Variants in IQSEC2 observed in about 807,000 individuals in gnomAD.
IQSEC2 encodes the protein IQ motif and SEC7 domain-containing protein 2.
IQSEC2 carries 6 observed loss-of-function variants against 74.6 expected under a neutral mutation model. The observed-to-expected ratio is 0.08, with a 90% CI of 0.04 to 0.16. The LOEUF (loss-of-function observed/expected upper bound fraction) is 0.16. Ranked by LOEUF, IQSEC2 falls within the 10% of genes least tolerant of loss-of-function variation. The pLI is 1.00. For synonymous variants in IQSEC2, 494 were observed against 544.5 expected (o/e 0.91, Z 1.29); for missense variants, 734 against 1,306.2 (o/e 0.56, Z 6.75).
At chrX:53,280,878 C>T (rs2074947797) in intron 2 of IQSEC2, among the ~76,000 whole-genome samples, 1 of 112,029 alleles carries the variant, frequency 8.9e-6, no homozygotes, top group Admixed American at 9.4e-5. Flanking sequence ...GTCAGCCAGC[C>T]CCTGTCCCCC....
At chrX:53,266,635 C>T in intron 2 of IQSEC2, 1 of 834,156 alleles carries the variant, frequency 1.2e-6, no homozygotes, top group South Asian at 4.4e-5. Flanking sequence ...CCAGTAGTGG[C>T]AGGCTCCAGG....
rs1226107589 is a variant in IQSEC2 at position 53,284,764 on chromosome X, TG to T, written c.737+7130del. 9.0e-5 allele frequency among the ~76,000 whole-genome samples: 10 copies of T among 111,647 alleles called. No individual in the cohort carries two copies. In the Admixed American group the frequency reaches 9.5e-4, roughly 11 times the overall value. On this transcript the variant is annotated intron_variant, in intron 2 of 14. Coordinates refer to ENST00000642864, the MANE Select transcript of IQSEC2 (RefSeq NM_001111125.3). ...GCACCGGGCACCTGGTCACACATGG[TG>T]GGGGGACAATGGACAGAGGTGGAGG...
intron 2 of IQSEC2, among the ~76,000 whole-genome samples, chrX:53,286,690 C>T (rs1347561994): frequency 9.0e-6 from 1 of 110,999 alleles, no homozygotes; most frequent in Admixed American, 9.6e-5. Context: ...ACCTATAATC[C>T]CAGCACTTTG....
intron 4 of IQSEC2, among the ~76,000 whole-genome samples, chrX:53,252,386 A>C (rs1465176588): frequency 1.8e-5 from 2 of 111,375 alleles, no homozygotes; most frequent in African/African-American, 6.5e-5. Flanking sequence ...AAAAAAAAAA[A>C]AAAAACTGCA....
intron 1 of IQSEC2, among the ~76,000 whole-genome samples, chrX:53,310,226 C>CA (rs1437260700): frequency 9.1e-6 from 1 of 109,389 alleles, no homozygotes; most frequent in East Asian, 2.9e-4. Flanking sequence ...TCTGTCTCTA[C>CA]AAAAAAAATT....
chrX:53,276,423 T>C (rs1556869589), intron 2 of IQSEC2, among the ~76,000 whole-genome samples: 1 of 112,431 alleles, frequency 8.9e-6, no homozygotes, highest in African/African-American at 3.2e-5. Flanking sequence ...GCACTGACTT[T>C]TCTTCTTAGT....
At chrX:53,305,378 TA>T (rs1162761920) in intron 1 of IQSEC2, among the ~76,000 whole-genome samples, 2 of 110,553 alleles carry the variant, frequency 1.8e-5, no homozygotes, top group Middle Eastern at 4.7e-3. Context: ...CACGCCCAGC[TA>T]ATTTTTTCAT....
rs1469456457 is a variant in IQSEC2 at position 53,257,330 on chromosome X, C to T, written c.738-1269G>A. ...GCAGCAGAGCGCTTTGCACTGGGGG[C>T]TGGATGTGGTGTGAAGGCTGCGCCC... On this transcript the variant is annotated intron_variant, in intron 2 of 14. Transcript: ENST00000642864. Among the ~76,000 whole-genome samples the T allele has an allele frequency of 6.2e-5, 7 of 112,805 alleles. No individual in the cohort carries two copies. In the East Asian group the frequency reaches 1.7e-3, roughly 27 times the overall value.
At chrX:53,282,410 G>A (rs1362049217) in intron 2 of IQSEC2, among the ~76,000 whole-genome samples, 3 of 112,725 alleles carry the variant, frequency 2.7e-5, no homozygotes, top group African/African-American at 9.7e-5. Flanking sequence ...CGGGACTGGA[G>A]AAAGGAGAGA....
At chrX:53,272,114 T>C (rs2074752899) in intron 2 of IQSEC2, among the ~76,000 whole-genome samples, 1 of 110,460 alleles carries the variant, frequency 9.1e-6, no homozygotes, top group Non-Finnish European at 1.9e-5. Flanking sequence ...CCCTGGCTCT[T>C]ACTTAACCTT....
intron 2 of IQSEC2, among the ~76,000 whole-genome samples, chrX:53,265,613 G>C (rs994256248): frequency 9.0e-6 from 1 of 111,353 alleles, no homozygotes; most frequent in Non-Finnish European, 1.9e-5. Context: ...AAAGTCGGGG[G>C]TATGAGCCCA....
At chrX:53,255,058 T>C (rs1325487376) in intron 3 of IQSEC2, 127 bp from the exon 4 acceptor site, 1 of 626,256 alleles carries the variant, frequency 1.6e-6, no homozygotes. Context: ...AGCGCCAGGC[T>C]AGGTGCTCAG....
chrX:53,278,255 C>T (rs1463615768), intron 2 of IQSEC2, among the ~76,000 whole-genome samples: 1 of 110,720 alleles, frequency 9.0e-6, no homozygotes, highest in Non-Finnish European at 1.9e-5. Context: ...CGTGATCTGC[C>T]TGCTTCAGCC....
At chrX:53,302,855 T>C (rs1295267117) in intron 1 of IQSEC2, among the ~76,000 whole-genome samples, 1 of 111,140 alleles carries the variant, frequency 9.0e-6, no homozygotes, top group African/African-American at 3.3e-5. Flanking sequence ...GAGGATTGCT[T>C]GAGCCCAGGT....
At chrX:53,307,295 C>CTTTTTTTTTTTTTTTTTTTTTTT (rs60909741) in intron 1 of IQSEC2, among the ~76,000 whole-genome samples, 5 of 55,938 alleles carry the variant, frequency 8.9e-5, no homozygotes, top group Non-Finnish European at 1.5e-4. Flanking sequence ...TTCTTTCTTT[C>CTTTTTTTTTTTTTTTTTTTTTTT]TTTTTTTTTT....
intron 10 of IQSEC2, 21 bp from the exon 11 acceptor site, chrX:53,239,315 A>C: frequency 9.5e-7 from 1 of 1,057,687 alleles, no homozygotes; most frequent in Non-Finnish European, 1.3e-6. Context: ...GGTGGGAAAA[A>C]GACAAGAGGC....
At chrX:53,295,043 G>A (rs1318218254) in intron 1 of IQSEC2, among the ~76,000 whole-genome samples, 1 of 110,742 alleles carries the variant, frequency 9.0e-6, no homozygotes, top group East Asian at 2.8e-4. Flanking sequence ...GGCTGGTCTC[G>A]AACTCCTGAC....
Position 53,290,046 on chromosome X carries a change from G to A in IQSEC2, c.737+1849C>T, listed in dbSNP as rs184937311. ...GATGATTATTATCTGCCAGGCTGTC[G>A]AGAGCTCCCGTGGTGATGGTATGGG... On this transcript the variant is annotated intron_variant, in intron 2 of 14. Coordinates refer to ENST00000642864, the MANE Select transcript of IQSEC2 (RefSeq NM_001111125.3). 9.8e-5 allele frequency among the ~76,000 whole-genome samples: 11 copies of A among 111,725 alleles called. No homozygotes were observed. In the East Asian group the frequency reaches 1.1e-3, roughly 11 times the overall value.
chrX:53,254,842 C>T lies in IQSEC2; in HGVS notation c.1089G>A (p.Met363Ile), dbSNP rs2147122803. The T allele has an allele frequency of 1.1e-5, 13 of 1,209,268 alleles. No individual in the cohort carries two copies. Among genetic ancestry groups the T allele is most frequent in the Non-Finnish European group, 1.5e-5 (13 of 894,297 alleles). ...TIQTAFRQYR[M>I]NKNFERLRSS... ...TGCGTAGCCGCTCAAAGTTCTTGTTCATGCGGTACTGGCGGAAGGCTGTCT... is the reference window on the plus strand; with the variant it reads ...TGCGTAGCCGCTCAAAGTTCTTGTTTATGCGGTACTGGCGGAAGGCTGTCT... The change falls in exon 4 of 15, where the codon ATG (methionine) becomes ATA (isoleucine). Residue 363 changes from methionine to isoleucine, a missense_variant. Coordinates refer to ENST00000642864, the MANE Select transcript of IQSEC2 (RefSeq NM_001111125.3).
Sources: allele counts gnomAD v4.1 joint callset (sites outside exome capture counted in the v4.1 genomes callset), GRCh38; gene constraint gnomAD v4.1.1; transcripts MANE v1.5; gene names NCBI Gene and HGNC (gene_info 2026-07-23, HGNC 2026-07-21).